SRGAP2: variants seen among roughly 807,000 people sequenced by gnomAD.
SRGAP2 encodes SLIT-ROBO Rho GTPase activating protein 2, also known as SLIT-ROBO Rho GTPase-activating protein 2.
Under a neutral mutation model 57.2 loss-of-function variants are expected in SRGAP2, and 15 were observed. The ratio of observed to expected loss-of-function variants is 0.26; its 90% CI spans 0.18 to 0.40. The LOEUF (loss-of-function observed/expected upper bound fraction) is 0.40, where lower values mean the gene tolerates loss of function less well. SRGAP2 is among the 10% of genes least tolerant of loss of function. The probability of loss-of-function intolerance (pLI) is 1.00; values close to 1 mark genes in which losing one functional copy is unlikely to be tolerated. For synonymous variants in SRGAP2, 249 were observed against 248.0 expected (o/e 1.00, Z -0.04); for missense variants, 520 against 669.6 (o/e 0.78, Z 2.47).
chr1:206,353,129 A>ATATC (rs1314933440), intron 4 of SRGAP2, among the ~76,000 whole-genome samples: 1 of 152,174 alleles, frequency 6.6e-6, no homozygotes, highest in African/African-American at 2.4e-5. Context: ...GATCTGTCAA[A>ATATC]TATCTAATTT....
intron 2 of SRGAP2, among the ~76,000 whole-genome samples, chr1:206,228,667 A>G (rs1195625126): frequency 6.6e-6 from 1 of 151,580 alleles, no homozygotes; most frequent in African/African-American, 2.4e-5. Flanking sequence ...TTTGAAGCTG[A>G]GAATGAGAAA....
intron 2 of SRGAP2, among the ~76,000 whole-genome samples, chr1:206,298,945 C>T (rs1671732733): frequency 6.6e-6 from 1 of 152,146 alleles, no homozygotes. Flanking sequence ...TCTTCTTTGT[C>T]AAGCCATGCC....
At position 206,461,482 on chromosome 1, in the gene SRGAP2, TC is replaced by T. The variant is rs1455432349; in HGVS notation, c.*64del. On this transcript the variant is annotated 3_prime_UTR_variant, in exon 23 of 23. Transcript: ENST00000573034. ...TAGGGACTGACTGTTATTAAAATCT[TC>T]CTATTTAACTAGCTTGGGGACTTCA... 20 of 667,786 alleles carry T rather than the reference TC, an allele frequency of 3.0e-5. No homozygotes were observed. In the African/African-American group the frequency reaches 3.6e-4, roughly 12 times the overall value. The allele number at this position is 667,786 out of a possible 1,614,324, so 41.4% of individuals were successfully genotyped here.
chr1:206,363,793 G>A (rs561057810), intron 4 of SRGAP2, among the ~76,000 whole-genome samples: 74 of 152,314 alleles, frequency 4.9e-4, no homozygotes, highest in African/African-American at 1.7e-3. Context: ...TTCTTAGTGC[G>A]TTATATCAGG....
At chr1:206,455,083 C>G (rs1457339719) in intron 21 of SRGAP2, 59 bp downstream of exon 21, 2 of 778,204 alleles carry the variant, frequency 2.6e-6, no homozygotes, top group Admixed American at 3.4e-5. Flanking sequence ...CAGCCTCACC[C>G]TCTGGCCTAA....
At chr1:206,439,890 C>T in intron 16 of SRGAP2, 86 bp from the exon 17 acceptor site, 1 of 717,762 alleles carries the variant, frequency 1.4e-6, no homozygotes, top group Non-Finnish European at 2.6e-6. Context: ...GTCCGTGTTG[C>T]CCCTGCTGGT....
intron 11 of SRGAP2, among the ~76,000 whole-genome samples, chr1:206,417,968 C>T (rs372822248): frequency 1.3e-5 from 2 of 151,194 alleles, no homozygotes; most frequent in Non-Finnish European, 2.9e-5. Flanking sequence ...CATTCATATG[C>T]GCTCACATTT....
intron 5 of SRGAP2, among the ~76,000 whole-genome samples, chr1:206,389,267 C>A (rs1656666482): frequency 6.9e-6 from 1 of 145,798 alleles, no homozygotes; most frequent in Admixed American, 6.9e-5. Flanking sequence ...CTCCACCTCC[C>A]AGGTTCATGC....
At chr1:206,341,974 G>C (rs1412821468) in intron 3 of SRGAP2, among the ~76,000 whole-genome samples, 10 of 152,122 alleles carry the variant, frequency 6.6e-5, no homozygotes, top group African/African-American at 2.4e-4. Flanking sequence ...CTCCAGCCTG[G>C]GTGACAGAGT....
At chr1:206,291,698 T>C (rs1317094719) in intron 2 of SRGAP2, among the ~76,000 whole-genome samples, 1 of 150,032 alleles carries the variant, frequency 6.7e-6, no homozygotes, top group African/African-American at 2.5e-5. Flanking sequence ...ATAAATGGGA[T>C]ATGTGATTAC....
chr1:206,410,448 C>G (rs546504566), intron 10 of SRGAP2, among the ~76,000 whole-genome samples: 1 of 152,188 alleles, frequency 6.6e-6, no homozygotes. Flanking sequence ...TACAGGAAAA[C>G]GTACTATAAA....
chr1:206,262,974 A>G (rs879949335), intron 2 of SRGAP2, among the ~76,000 whole-genome samples: 30 of 134,644 alleles, frequency 2.2e-4, no homozygotes, highest in Admixed American at 1.7e-3. Context: ...TTAGTAAAAG[A>G]GCATGAATAC....
chr1:206,335,041 G>T (rs1296114656), intron 3 of SRGAP2, among the ~76,000 whole-genome samples: 1 of 149,992 alleles, frequency 6.7e-6, no homozygotes, highest in African/African-American at 2.5e-5. Context: ...GCTGAGAAAC[G>T]TATAAATTTT....
At chr1:206,302,651 T>G (rs1553618388) in intron 2 of SRGAP2, among the ~76,000 whole-genome samples, 27,323 of 152,202 alleles carry the variant, frequency 0.18, 3,270 homozygotes, top group East Asian at 0.52. Flanking sequence ...CAGAAGTTCT[T>G]GTGCTTGTTT....
chr1:206,310,402 A>G (rs1317987019), intron 3 of SRGAP2, among the ~76,000 whole-genome samples: 1 of 152,122 alleles, frequency 6.6e-6, no homozygotes, highest in African/African-American at 2.4e-5. Flanking sequence ...TATTATTATA[A>G]ATAAGTGTAT....
intron 2 of SRGAP2, among the ~76,000 whole-genome samples, chr1:206,234,505 T>G (rs1571633969): frequency 1.3e-5 from 2 of 152,172 alleles, no homozygotes; most frequent in East Asian, 3.8e-4. Context: ...TTGACCTTAC[T>G]GCCATCTTCT....
At chr1:206,354,852 C>G (rs1676318607) in intron 4 of SRGAP2, among the ~76,000 whole-genome samples, 1 of 148,466 alleles carries the variant, frequency 6.7e-6, no homozygotes, top group Admixed American at 6.8e-5. Context: ...CTTTCCTTCT[C>G]CCTCTCCTTG....
rs71264673 is a variant in SRGAP2 at position 206,253,573 on chromosome 1, CTT to C, written c.67+47555_67+47556del. Reference sequence around the variant, plus strand: ...CTCTTTCTTTCTCTTTTCTTTCTTTCTTTTTTTTTTTTTTTTTTTTGAGGCGG... The same window carrying C: ...CTCTTTCTTTCTCTTTTCTTTCTTTCTTTTTTTTTTTTTTTTTTGAGGCGG... On this transcript the variant is annotated intron_variant, in intron 2 of 22. Transcript: ENST00000573034. Among the ~76,000 whole-genome samples, 3 of 101,678 alleles carry C rather than the reference CTT, an allele frequency of 3.0e-5. No individual in the cohort carries two copies. The East Asian group carries it at 9.9e-4, about 34-fold the overall frequency. 66.7% of individuals were successfully genotyped at this position (101,678 alleles called of 152,430 possible). A position where few individuals can be genotyped will look rare whatever the true frequency, so the allele number is the denominator to read the frequency against.
intron 11 of SRGAP2, among the ~76,000 whole-genome samples, chr1:206,418,661 G>A (rs1377001411): frequency 6.6e-6 from 1 of 152,050 alleles, no homozygotes; most frequent in African/African-American, 2.4e-5. Context: ...AAGATTTTCA[G>A]TTTCATTTTT....
Sources: allele counts gnomAD v4.1 joint callset (sites outside exome capture counted in the v4.1 genomes callset), GRCh38; gene constraint gnomAD v4.1.1; transcripts MANE v1.5; gene names NCBI Gene and HGNC (gene_info 2026-07-23, HGNC 2026-07-21).